WWP2: variants seen among roughly 807,000 people sequenced by gnomAD.
The protein encoded by WWP2 is NEDD4-like E3 ubiquitin-protein ligase WWP2.
In WWP2, 57 loss-of-function variants were observed where a neutral mutation model predicts 121.0. That is an observed-to-expected ratio of 0.47 (90% CI 0.38 to 0.59). The LOEUF (loss-of-function observed/expected upper bound fraction) is 0.59. Ranked by LOEUF, WWP2 falls within the 20% of genes least tolerant of loss-of-function variation. The pLI is 0.00. For missense variants in WWP2, 962 were observed against 1,158.9 expected, an observed-to-expected ratio of 0.83 and a Z score of 2.47; for synonymous variants, 449 against 441.3, an observed-to-expected ratio of 1.02 and a Z score of -0.22.
In WWP2 at chr16:69,937,483, T is replaced by G. The variant is rs545183173; in HGVS notation, c.2239-65T>G. The G allele has an allele frequency of 2.7e-5, 42 of 1,544,190 alleles. No individual in the cohort carries two copies. In the East Asian group the frequency reaches 9.0e-4, roughly 33 times the overall value. Reference sequence around the variant, plus strand: ...TGAATATGTTTGGGGTAATGTCAAGTGCTAGCGAGTGGACGATGCGCGGGG... The same window carrying G: ...TGAATATGTTTGGGGTAATGTCAAGGGCTAGCGAGTGGACGATGCGCGGGG... On this transcript the variant is annotated intron_variant, in intron 20 of 23. Coordinates refer to ENST00000359154, the MANE Select transcript of WWP2 (RefSeq NM_001270454.2). The surrounding 1 kb of genome is among the most constrained non-coding windows in gnomAD (Gnocchi z 6.6).
In WWP2 at chr16:69,937,349, C is replaced by A; in HGVS notation, c.2238+111C>A. 1 of 1,525,168 alleles carries A rather than the reference C, an allele frequency of 6.6e-7. No homozygotes were observed. Among genetic ancestry groups the A allele is most frequent in the Non-Finnish European group, 8.8e-7 (1 of 1,132,982 alleles). The allele number at this position is 1,525,168 out of a possible 1,614,324, so 94.5% of individuals were successfully genotyped here. ...ACTCAGCGTAAAACTCCCACTTCGG[C>A]AGGGCAGATGGGTTTGATTTGGGAC... On this transcript the variant is annotated intron_variant, in intron 20 of 23. Coordinates refer to ENST00000359154, the MANE Select transcript of WWP2 (RefSeq NM_001270454.2). The surrounding 1 kb of genome is among the most constrained non-coding windows in gnomAD (Gnocchi z 6.6).
At chr16:69,791,878 C>T (rs556999901) in intron 2 of WWP2, among the ~76,000 whole-genome samples, 6 of 152,250 alleles carry the variant, frequency 3.9e-5, no homozygotes, top group Non-Finnish European at 5.9e-5. Context: ...ACCTGTCCAG[C>T]ACATACTTCT....
At chr16:69,838,399 A>T (rs2056914635) in intron 4 of WWP2, among the ~76,000 whole-genome samples, 1 of 148,950 alleles carries the variant, frequency 6.7e-6, no homozygotes, top group Middle Eastern at 3.4e-3. Flanking sequence ...CCAGAGACTT[A>T]GGTACTGGAT....
chr16:69,913,181 C>T (rs181612835), intron 9 of WWP2, among the ~76,000 whole-genome samples: 5 of 123,208 alleles, frequency 4.1e-5, no homozygotes, highest in East Asian at 5.3e-4. Flanking sequence ...CATGCCACCA[C>T]GCCCAGCTAA....
At chr16:69,902,384 G>C (rs2058218985) in intron 8 of WWP2, among the ~76,000 whole-genome samples, 2 of 152,186 alleles carry the variant, frequency 1.3e-5, no homozygotes, top group Non-Finnish European at 2.9e-5. Context: ...TTTAGGGAAA[G>C]GAAAAAGTAC....
At chr16:69,842,168 C>G (rs758890466) in intron 6 of WWP2, 48 bp downstream of exon 6, 71 of 1,555,854 alleles carry the variant, frequency 4.6e-5, no homozygotes, top group Middle Eastern at 1.7e-4. Context: ...TTGCTTAGAG[C>G]TATTGAAAAC....
intron 8 of WWP2, among the ~76,000 whole-genome samples, chr16:69,889,048 C>T (rs1019579818): frequency 3.3e-5 from 5 of 152,146 alleles, no homozygotes; most frequent in African/African-American, 4.8e-5. Flanking sequence ...TGGTGGCTCA[C>T]GTGCCAATCA....
intron 7 of WWP2, among the ~76,000 whole-genome samples, chr16:69,882,478 G>A (rs1337980333): frequency 6.6e-6 from 1 of 152,204 alleles, no homozygotes; most frequent in Admixed American, 6.5e-5. Flanking sequence ...TACGGACAAT[G>A]TAAAGCATAT....
intron 6 of WWP2, among the ~76,000 whole-genome samples, chr16:69,860,246 G>A (rs78252493): frequency 0.069 from 10,572 of 152,206 alleles, 1,254 homozygotes; most frequent in African/African-American, 0.24. Context: ...GAAAGAATAT[G>A]CAAAGTACTG....
rs115913564 is a variant in WWP2, at chr16:69,899,221, T to C, written c.915-9540T>C. On this transcript the variant is annotated intron_variant, in intron 8 of 23. Coordinates refer to ENST00000359154, the MANE Select transcript of WWP2 (RefSeq NM_001270454.2). ...TCCCTACTCCTAAGTTACATAAAAA[T>C]GTTACAGGCCACACTTGGTGGTTCT... Among the ~76,000 whole-genome samples, 1,360 of 152,296 alleles carry C rather than the reference T, an allele frequency of 8.9e-3. 18 individuals are homozygous for C. Among genetic ancestry groups the C allele is most frequent in the African/African-American group, 0.031 (1,288 of 41,552 alleles).
intron 4 of WWP2, among the ~76,000 whole-genome samples, chr16:69,832,441 A>G (rs1243608350): frequency 2.0e-5 from 3 of 152,228 alleles, no homozygotes; most frequent in East Asian, 1.9e-4. Context: ...TGCCAATTTC[A>G]TACCTAGAAA....
intron 8 of WWP2, among the ~76,000 whole-genome samples, chr16:69,888,488 T>G (rs1417934985): frequency 6.6e-6 from 1 of 152,156 alleles, no homozygotes; most frequent in Non-Finnish European, 1.5e-5. Context: ...AATGAACAGC[T>G]TGACTCAAAG....
In WWP2 at chr16:69,902,603, G is replaced by A. The variant is rs147484450; in HGVS notation, c.915-6158G>A. ...GAGGGGGACAGGAGATGACCCATGT[G>A]ACCAAGATGCAGTGTTGAGACCCGT... is the stretch of plus-strand genomic sequence containing the variant. On this transcript the variant is annotated intron_variant, in intron 8 of 23. Coordinates refer to ENST00000359154, the MANE Select transcript of WWP2 (RefSeq NM_001270454.2). Among the ~76,000 whole-genome samples, 134 of 152,294 alleles carry A rather than the reference G, an allele frequency of 8.8e-4. 1 individual carries two copies. The highest frequency in any genetic ancestry group is 3.4e-3 in the Middle Eastern group (1 of 294).
intron 6 of WWP2, among the ~76,000 whole-genome samples, chr16:69,844,187 C>G (rs557728812): frequency 6.6e-6 from 1 of 152,090 alleles, no homozygotes. Flanking sequence ...TTCCGTGTCT[C>G]GGTAGGTGAC....
chr16:69,845,081 A>G (rs553460997), intron 6 of WWP2, among the ~76,000 whole-genome samples: 10 of 152,200 alleles, frequency 6.6e-5, no homozygotes, highest in African/African-American at 1.7e-4. Context: ...CTGGCCTGTC[A>G]TTTACTTGCT....
intron 1 of WWP2, among the ~76,000 whole-genome samples, chr16:69,783,681 C>T (rs559597803): frequency 3.9e-5 from 6 of 152,148 alleles, no homozygotes; most frequent in Admixed American, 6.6e-5. Context: ...CTTGGTGGCT[C>T]ATGCTTGTAG....
At chr16:69,819,450 C>T (rs968840479) in intron 4 of WWP2, among the ~76,000 whole-genome samples, 1 of 152,350 alleles carries the variant, frequency 6.6e-6, no homozygotes, top group Admixed American at 6.5e-5. Context: ...TTCTCCAGCC[C>T]GGTGCTGCTC....
At position 69,782,009 on chromosome 16, in the gene WWP2, G is replaced by T. The variant is rs574119900; in HGVS notation, c.-15-4987G>T. 2.0e-5 allele frequency among the ~76,000 whole-genome samples: 3 copies of T among 152,258 alleles called. No homozygotes were observed. The South Asian group carries it at 6.2e-4, about 32-fold the overall frequency. ...TAAGATTAAATTTTCGGAGCCGGGCGAGGTGGCTCATGCCTGTAATCCCAG... is the reference window on the plus strand; with the variant it reads ...TAAGATTAAATTTTCGGAGCCGGGCTAGGTGGCTCATGCCTGTAATCCCAG... On this transcript the variant is annotated intron_variant, in intron 1 of 23. Coordinates refer to ENST00000359154, the MANE Select transcript of WWP2 (RefSeq NM_001270454.2).
intron 8 of WWP2, among the ~76,000 whole-genome samples, chr16:69,903,856 G>C (rs912208601): frequency 3.9e-5 from 6 of 152,028 alleles, no homozygotes; most frequent in African/African-American, 1.5e-4. Flanking sequence ...CTTTATAAAA[G>C]GGGCAGCCCA....
Sources: gnomAD v4.1 joint callset for allele counts (sites outside exome capture counted in the v4.1 genomes callset) on GRCh38, gnomAD v4.1.1 for gene constraint, Gnocchi (gnomAD v3.1) non-coding constraint, MANE v1.5 for transcripts, NCBI Gene and HGNC (gene_info 2026-07-23, HGNC 2026-07-21) for gene names.